CAMTA1: variants seen among roughly 807,000 people sequenced by gnomAD.
CAMTA1 encodes calmodulin-binding transcription activator 1.
In CAMTA1, 27 loss-of-function variants were observed where a neutral mutation model predicts 170.9. That is an observed-to-expected ratio of 0.16 (90% CI 0.12 to 0.22). CAMTA1 has a LOEUF of 0.22. CAMTA1 is among the 10% of genes least tolerant of loss of function. The pLI, the probability that CAMTA1 is intolerant of heterozygous loss-of-function variation, is 1.00. For missense variants in CAMTA1, 1,619 were observed against 2,217.2 expected (o/e 0.73, Z 5.42); for synonymous variants, 833 against 891.5 (o/e 0.93, Z 1.17).
At chr1:7,403,510 A>G (rs995266357) in intron 5 of CAMTA1, among the ~76,000 whole-genome samples, 1 of 152,172 alleles carries the variant, frequency 6.6e-6, no homozygotes, top group Non-Finnish European at 1.5e-5. Context: ...CTCCTGGAAG[A>G]TGTAACACTA....
At chr1:7,127,078 C>G (rs538767068) in intron 4 of CAMTA1, among the ~76,000 whole-genome samples, 1 of 152,074 alleles carries the variant, frequency 6.6e-6, no homozygotes, top group East Asian at 1.9e-4. Context: ...CCAGGACTGC[C>G]ACTTCTTTGT....
At chr1:7,196,303 C>T (rs138478235) in intron 4 of CAMTA1, among the ~76,000 whole-genome samples, 2 of 152,294 alleles carry the variant, frequency 1.3e-5, no homozygotes, top group Non-Finnish European at 2.9e-5. Context: ...GTCTGTGAAG[C>T]CTGCAGCACT....
intron 6 of CAMTA1, among the ~76,000 whole-genome samples, chr1:7,523,706 G>A (rs953463512): frequency 3.7e-5 from 5 of 134,730 alleles, no homozygotes; most frequent in African/African-American, 1.5e-4. Context: ...GTGAAACCCC[G>A]TCTCTACTAA....
chr1:7,161,948 G>A (rs1245260322), intron 4 of CAMTA1, among the ~76,000 whole-genome samples: 9 of 152,182 alleles, frequency 5.9e-5, no homozygotes, highest in African/African-American at 2.2e-4. Flanking sequence ...CTTACTGTGT[G>A]TGTCTCTCTG....
intron 4 of CAMTA1, among the ~76,000 whole-genome samples, chr1:7,154,180 G>T (rs1646735575): frequency 6.6e-6 from 1 of 152,130 alleles, no homozygotes; most frequent in Non-Finnish European, 1.5e-5. Context: ...GGGAGATGCT[G>T]GGATCCACCC....
intron 3 of CAMTA1, among the ~76,000 whole-genome samples, chr1:7,026,138 C>T (rs1701988236): frequency 6.7e-6 from 1 of 150,274 alleles, no homozygotes; most frequent in Non-Finnish European, 1.5e-5. Flanking sequence ...AAAAAAGAAA[C>T]AAAAAGATTT....
chr1:7,758,934 CAAAAAAAA>C lies in CAMTA1; in HGVS notation c.4989+3280_4989+3287del, dbSNP rs34490247. On this transcript the variant is annotated intron_variant, in intron 22 of 22. Coordinates refer to ENST00000303635, the MANE Select transcript of CAMTA1 (RefSeq NM_015215.4). ...TGGGCAAAAGAGCGAGACTCTGTCT[CAAAAAAAA>C]AAAAAAAAAAAAAGATAATATACTT... is the stretch of plus-strand genomic sequence containing the variant. Among the ~76,000 whole-genome samples the C allele has an allele frequency of 7.6e-4, 60 of 78,990 alleles. 1 individual carries two copies. In the South Asian group the frequency reaches 0.021, roughly 28 times the overall value. The allele number at this position is 78,990 out of a possible 152,430, so 51.8% of individuals were successfully genotyped here. A position where few individuals can be genotyped will look rare whatever the true frequency, so the allele number is the denominator to read the frequency against.
At chr1:7,281,403 T>C (rs1043533340) in intron 5 of CAMTA1, among the ~76,000 whole-genome samples, 2 of 152,192 alleles carry the variant, frequency 1.3e-5, no homozygotes, top group African/African-American at 2.4e-5. Flanking sequence ...TAAAACCTTA[T>C]TACCAGGTAG....
intron 7 of CAMTA1, among the ~76,000 whole-genome samples, chr1:7,655,588 A>AC (rs1355359601): frequency 1.1e-5 from 1 of 87,852 alleles, no homozygotes; most frequent in Non-Finnish European, 2.8e-5. Context: ...ACACACAAAC[A>AC]CCCCTATACA....
At chr1:7,131,882 C>G (rs1645277881) in intron 4 of CAMTA1, among the ~76,000 whole-genome samples, 1 of 152,050 alleles carries the variant, frequency 6.6e-6, no homozygotes, top group African/African-American at 2.4e-5. Context: ...ATGGTGAAAC[C>G]CCACCTCTAC....
intron 21 of CAMTA1, among the ~76,000 whole-genome samples, chr1:7,755,326 CAAAAAAAAAA>C (rs70987373): frequency 9.7e-5 from 6 of 61,970 alleles, no homozygotes; most frequent in Admixed American, 2.2e-4. Flanking sequence ...GACTCCGTCT[CAAAAAAAAAA>C]AAAAAAAAAA....
At chr1:7,749,585 A>G (rs1479717193) in intron 19 of CAMTA1, among the ~76,000 whole-genome samples, 2 of 151,722 alleles carry the variant, frequency 1.3e-5, no homozygotes, top group Non-Finnish European at 2.9e-5. Flanking sequence ...AGCTAGGAAG[A>G]CAGAAGGCAT....
intron 11 of CAMTA1, among the ~76,000 whole-genome samples, chr1:7,710,643 A>T (rs1382177385): frequency 4.7e-5 from 7 of 150,526 alleles, no homozygotes; most frequent in African/African-American, 1.5e-4. Context: ...ACTCTTAGGA[A>T]GTCCAGAATT....
At chr1:6,811,995 T>C (rs1013697268) in intron 1 of CAMTA1, among the ~76,000 whole-genome samples, 10 of 152,244 alleles carry the variant, frequency 6.6e-5, no homozygotes, top group African/African-American at 2.4e-4. Flanking sequence ...GGAGGATCTT[T>C]AGACAAGATC....
chr1:6,789,207 G>A (rs766380599), intron 1 of CAMTA1, among the ~76,000 whole-genome samples: 14 of 152,288 alleles, frequency 9.2e-5, no homozygotes, highest in East Asian at 7.7e-4. Context: ...CAAAAGAGTA[G>A]TGTTGCTCTT....
At chr1:7,750,130 C>T (rs551553575) in intron 19 of CAMTA1, among the ~76,000 whole-genome samples, 13 of 152,232 alleles carry the variant, frequency 8.5e-5, no homozygotes, top group South Asian at 2.1e-4. Flanking sequence ...CAGGTGGAGA[C>T]GATGGAAACC....
At chr1:7,465,117 G>A (rs2093180095) in intron 5 of CAMTA1, among the ~76,000 whole-genome samples, 1 of 152,156 alleles carries the variant, frequency 6.6e-6, no homozygotes, top group Non-Finnish European at 1.5e-5. Context: ...GGGTGCCACG[G>A]GCAAAACTTA....
rs12071477 is a variant in CAMTA1, at chr1:7,660,264, A to C, written c.665-1462A>C. On this transcript the variant is annotated intron_variant, in intron 7 of 22. Coordinates refer to ENST00000303635, the MANE Select transcript of CAMTA1 (RefSeq NM_015215.4). ...TGTATTTTTGGTAGAGACGGGTTTC[A>C]CCATGTTGGTCAGGCTGGTCTCAAA... 3.3e-5 allele frequency among the ~76,000 whole-genome samples: 5 copies of C among 152,310 alleles called. No homozygotes were observed. In the East Asian group the frequency reaches 9.7e-4, roughly 29 times the overall value.
chr1:7,582,901 G>A (rs2095273512), intron 6 of CAMTA1, among the ~76,000 whole-genome samples: 1 of 149,108 alleles, frequency 6.7e-6, no homozygotes, highest in South Asian at 2.2e-4. Flanking sequence ...TTTCATGGCT[G>A]TAACCCAGAC....
Sources: allele counts gnomAD v4.1 joint callset (sites outside exome capture counted in the v4.1 genomes callset), GRCh38; gene constraint gnomAD v4.1.1; transcripts MANE v1.5; gene names NCBI Gene and HGNC (gene_info 2026-07-23, HGNC 2026-07-21).